Variants in SEC14L1 observed in about 807,000 individuals in gnomAD.
SEC14L1 encodes the protein SEC14-like protein 1.
SEC14L1 carries 48 observed loss-of-function variants against 85.3 expected under a neutral mutation model. The ratio of observed to expected loss-of-function variants is 0.56; its 90% CI spans 0.45 to 0.72. The LOEUF is 0.72. SEC14L1 is among the 30% of genes least tolerant of loss of function. The probability of loss-of-function intolerance (pLI) is 0.00; values close to 1 mark genes in which losing one functional copy is unlikely to be tolerated. For synonymous variants in SEC14L1, 391 were observed against 355.5 expected, an observed-to-expected ratio of 1.10 and a Z score of -1.12; for missense variants, 682 against 921.4, an observed-to-expected ratio of 0.74 and a Z score of 3.36.
At chr17:77,167,255 C>T (rs1974326838) in intron 3 of SEC14L1, among the ~76,000 whole-genome samples, 1 of 151,790 alleles carries the variant, frequency 6.6e-6, no homozygotes, top group South Asian at 2.1e-4. Flanking sequence ...CTGCCTCAGC[C>T]ACCTGAGTAG....
At chr17:77,204,366 C>T (rs552369720) in intron 10 of SEC14L1, among the ~76,000 whole-genome samples, 5 of 151,328 alleles carry the variant, frequency 3.3e-5, no homozygotes, top group South Asian at 4.2e-4. Flanking sequence ...TTCAGGCACC[C>T]GCCACCATGC....
intron 3 of SEC14L1, among the ~76,000 whole-genome samples, chr17:77,149,856 G>GTT (rs201022692): frequency 1.1e-4 from 14 of 123,922 alleles, no homozygotes; most frequent in South Asian, 2.6e-4. Context: ...GCTGATTTGT[G>GTT]TTTTTTTTTT....
chr17:77,172,091 C>T (rs759414974), intron 3 of SEC14L1, among the ~76,000 whole-genome samples: 2 of 152,138 alleles, frequency 1.3e-5, no homozygotes, highest in Non-Finnish European at 2.9e-5. Flanking sequence ...TCTTCTTTTA[C>T]TCCCGAAATA....
At chr17:77,158,426 C>T (rs1367761802) in intron 3 of SEC14L1, among the ~76,000 whole-genome samples, 5 of 152,172 alleles carry the variant, frequency 3.3e-5, no homozygotes, top group African/African-American at 9.7e-5. Flanking sequence ...TGACCTTTTG[C>T]GTAACTTGGT....
intron 10 of SEC14L1, 113 bp from the exon 11 acceptor site, chr17:77,205,163 T>C: frequency 1.1e-6 from 1 of 870,868 alleles, no homozygotes; most frequent in South Asian, 1.5e-5. Context: ...GGTGACTTTT[T>C]TGATTTACAT....
chr17:77,209,069 T>C (rs917270643), intron 13 of SEC14L1, among the ~76,000 whole-genome samples: 2 of 152,240 alleles, frequency 1.3e-5, no homozygotes, highest in African/African-American at 4.8e-5. Context: ...CTTTAGTAAC[T>C]GGGTGCAGTG....
In SEC14L1 at chr17:77,194,922, C is replaced by T. The variant is rs1204040305; in HGVS notation, c.709+11C>T. 6.2e-7 allele frequency: 1 copy of T among 1,600,042 alleles called. No homozygotes were observed. Among genetic ancestry groups the T allele is most frequent in the African/African-American group, 1.3e-5 (1 of 74,764 alleles). On this transcript the variant is annotated intron_variant, in intron 7 of 16. Coordinates refer to ENST00000436233, the MANE Select transcript of SEC14L1 (RefSeq NM_001143998.2). ...TGGGCACCCCTGACGGTGGGTCTGG[C>T]AGGGGCTTCATCCCGAGAGCAAGGC...
chr17:77,201,834 TG>T (rs1392773571), intron 9 of SEC14L1, among the ~76,000 whole-genome samples: 1 of 152,198 alleles, frequency 6.6e-6, no homozygotes, highest in Non-Finnish European at 1.5e-5. Context: ...AAAAATGTTT[TG>T]CTTTAAGTAG....
At chr17:77,132,848 C>T (rs899151329) in intron 3 of SEC14L1, among the ~76,000 whole-genome samples, 1 of 114,818 alleles carries the variant, frequency 8.7e-6, no homozygotes, top group Non-Finnish European at 1.9e-5. Flanking sequence ...TACCCCAATC[C>T]TCCTTTTTTT....
At position 77,206,697 on chromosome 17, in the gene SEC14L1, A is replaced by G; in HGVS notation, c.1342-31A>G. The G allele has an allele frequency of 6.4e-7, 1 of 1,570,040 alleles. No individual in the cohort carries two copies. The highest frequency in any genetic ancestry group is 8.6e-7 in the Non-Finnish European group (1 of 1,160,970). On this transcript the variant is annotated intron_variant, in intron 12 of 16. Coordinates refer to ENST00000436233, the MANE Select transcript of SEC14L1 (RefSeq NM_001143998.2). This position sits in a 1 kb window ranked among gnomAD's most constrained non-coding sequence, Gnocchi z 4.3. ...TCTTGGACACTCAGGCAGCAGAGAA[A>G]TATGACTGCATGGTCTTCTCCTCCT... is the stretch of plus-strand genomic sequence containing the variant.
At chr17:77,181,449 G>A (rs868748598) in intron 3 of SEC14L1, among the ~76,000 whole-genome samples, 1 of 152,328 alleles carries the variant, frequency 6.6e-6, no homozygotes, top group African/African-American at 2.4e-5. Flanking sequence ...TTTCGCTCTT[G>A]TTGTGCAGGC....
Position 77,095,208 on chromosome 17 carries a change from C to T in SEC14L1, c.-136+1861C>T, listed in dbSNP as rs991466961. 3.9e-5 allele frequency among the ~76,000 whole-genome samples: 6 copies of T among 152,156 alleles called. No individual in the cohort carries two copies. In the East Asian group the frequency reaches 5.8e-4, roughly 15 times the overall value. ...CTGAGCAGTAACATCTTATTTATAGCGTGGAAAATGGACAGAGCTGTTGAT... is the reference window on the plus strand; with the variant it reads ...CTGAGCAGTAACATCTTATTTATAGTGTGGAAAATGGACAGAGCTGTTGAT... On this transcript the variant is annotated intron_variant, in intron 3 of 19. Coordinates refer to the SEC14L1 transcript ENST00000392476.
intron 7 of SEC14L1, chr17:77,195,141 C>G: frequency 1.8e-6 from 1 of 551,520 alleles, no homozygotes; most frequent in South Asian, 2.4e-5. Flanking sequence ...TATTTTTATT[C>G]TTTTATGGAT....
rs186146383 is a variant in SEC14L1 at position 77,183,830 on chromosome 17, G to C, written c.64-6973G>C. Among the ~76,000 whole-genome samples, 11 of 141,744 alleles carry C rather than the reference G, an allele frequency of 7.8e-5. 1 individual carries two copies. Among genetic ancestry groups the C allele is most frequent in the African/African-American group, 2.9e-4 (11 of 38,152 alleles). The allele number at this position is 141,744 out of a possible 152,430, so 93.0% of individuals were successfully genotyped here. On this transcript the variant is annotated intron_variant, in intron 3 of 16. Transcript: ENST00000436233. ...GCTTCTGTTTATCTTTCAAGACTCT[G>C]ACATTTTTTTTTTCGTTTAAGCGTC...
At chr17:77,141,720 A>G (rs558417520) in intron 1 of SEC14L1, 1 of 152,184 alleles carries the variant, frequency 6.6e-6, no homozygotes, top group African/African-American at 2.4e-5. Flanking sequence ...GCAGGTTCTT[A>G]AGTGAGTGTA....
chr17:77,207,946 G>A lies in SEC14L1; in HGVS notation c.1476+1084G>A, dbSNP rs567504239. 3.3e-5 allele frequency among the ~76,000 whole-genome samples: 5 copies of A among 152,226 alleles called. No individual in the cohort carries two copies. In the South Asian group the frequency reaches 1.0e-3, roughly 32 times the overall value. On this transcript the variant is annotated intron_variant, in intron 13 of 16. Transcript: ENST00000436233. ...CACAGTTGTGTCTTGGGAGCATTAC[G>A]GAAGCCAGAGCCTCTAGAAGTCCCA...
rs546713807 is a variant in SEC14L1, at chr17:77,146,523, CA to C, written c.63+2866del. On this transcript the variant is annotated intron_variant, in intron 3 of 16. Coordinates refer to ENST00000436233, the MANE Select transcript of SEC14L1 (RefSeq NM_001143998.2). ...CGAAATTCAAATTCTGAGCTGCCAC[CA>C]AGTTTTTACAATTAAACCATTTTAA... is the stretch of plus-strand genomic sequence containing the variant. Among the ~76,000 whole-genome samples the C allele has an allele frequency of 3.1e-3, 467 of 152,298 alleles. 2 individuals are homozygous for C. The highest frequency in any genetic ancestry group is 0.011 in the African/African-American group (437 of 41,564).
In SEC14L1 at chr17:77,191,322, C is replaced by G. The variant is rs1334609503; in HGVS notation, c.345+10C>G. The stretch of plus-strand genomic sequence containing the variant: ...GCATTGCTGCTACACCGTGAGTAAT[C>G]TGTCACTCGGCGGAAGATGTTCTGC... On this transcript the variant is annotated intron_variant, in intron 5 of 16. Transcript: ENST00000436233. 1 of 1,613,830 alleles carries G rather than the reference C, an allele frequency of 6.2e-7. No individual in the cohort carries two copies. Among genetic ancestry groups the G allele is most frequent in the Non-Finnish European group, 8.5e-7 (1 of 1,179,910 alleles).
chr17:77,206,506 A>G lies in SEC14L1; in HGVS notation c.1341+106A>G. ...CTAAAGTCTTAACTTCTTAGGAAAA[A>G]AAACAATAACATGCAAAGATATAAA... On this transcript the variant is annotated intron_variant, in intron 12 of 16. Transcript: ENST00000436233. This position sits in a 1 kb window ranked among gnomAD's most constrained non-coding sequence, Gnocchi z 4.3. 1 of 1,376,286 alleles carries G rather than the reference A, an allele frequency of 7.3e-7. No individual in the cohort carries two copies. The highest frequency in any genetic ancestry group is 1.4e-5 in the South Asian group (1 of 70,106). The allele number at this position is 1,376,286 out of a possible 1,614,324, so 85.3% of individuals were successfully genotyped here.
Sources: allele counts gnomAD v4.1 joint callset (sites outside exome capture counted in the v4.1 genomes callset), GRCh38; gene constraint gnomAD v4.1.1; non-coding constraint Gnocchi (gnomAD v3.1); transcripts MANE v1.5; gene names NCBI Gene and HGNC (gene_info 2026-07-23, HGNC 2026-07-21).